RYR3: variants seen among roughly 807,000 people sequenced by gnomAD.
RYR3 encodes the protein brain ryanodine receptor-calcium release channel.
A neutral mutation model predicts 584.3 loss-of-function variants in RYR3; 207 were observed. The observed-to-expected ratio is 0.35, with a 90% CI of 0.32 to 0.40. RYR3 has a LOEUF of 0.40. Ranked by LOEUF, RYR3 falls within the 10% of genes least tolerant of loss-of-function variation. The pLI is 1.00. For missense variants in RYR3, 5,616 were observed against 6,089.2 expected (o/e 0.92, Z 2.59); for synonymous variants, 2,416 against 2,248.5 (o/e 1.07, Z -2.11).
chr15:33,835,141 T>C (rs2077957263), intron 87 of RYR3, 69 bp downstream of exon 87: 1 of 1,207,782 alleles, frequency 8.3e-7, no homozygotes, highest in South Asian at 1.3e-5. Flanking sequence ...TCCTTGGTGT[T>C]CCCATTGTGA....
chr15:33,513,705 G>C (rs992854536), intron 3 of RYR3, among the ~76,000 whole-genome samples: 1 of 152,240 alleles, frequency 6.6e-6, no homozygotes, highest in African/African-American at 2.4e-5. Flanking sequence ...TCTGGTGTGA[G>C]GGAGGAAAGT....
chr15:33,609,405 C>T (rs1193272242), intron 18 of RYR3, among the ~76,000 whole-genome samples: 1 of 152,188 alleles, frequency 6.6e-6, no homozygotes, highest in Non-Finnish European at 1.5e-5. Flanking sequence ...CCTGTAATCC[C>T]AGCACTTTGG....
In RYR3 at chr15:33,411,691, C is replaced by G. The variant is rs183716848; in HGVS notation, c.52-61728C>G. ...TTAGGAGTTCATTTTCCTGACTGCC[C>G]ACACACAAAAATTTATGAGGGTATC... On this transcript the variant is annotated intron_variant, in intron 1 of 103. Transcript: ENST00000634891. Among the ~76,000 whole-genome samples the G allele has an allele frequency of 3.3e-5, 5 of 152,288 alleles. No individual in the cohort carries two copies. In the East Asian group the frequency reaches 9.6e-4, roughly 29 times the overall value.
chr15:33,391,826 A>G (rs980095814), intron 1 of RYR3, among the ~76,000 whole-genome samples: 2 of 151,976 alleles, frequency 1.3e-5, no homozygotes, highest in Non-Finnish European at 2.9e-5. Flanking sequence ...ACTCTTCCAC[A>G]ATGCTTCAGC....
chr15:33,502,638 C>T (rs1043096092), intron 2 of RYR3, among the ~76,000 whole-genome samples: 4 of 152,140 alleles, frequency 2.6e-5, no homozygotes, highest in African/African-American at 7.2e-5. Context: ...TCAAGCACTA[C>T]GTAAATGAAA....
At chr15:33,668,998 T>A (rs903553193) in intron 36 of RYR3, among the ~76,000 whole-genome samples, 1 of 152,142 alleles carries the variant, frequency 6.6e-6, no homozygotes, top group Non-Finnish European at 1.5e-5. Flanking sequence ...TAACATTAAG[T>A]GGAAAACTCT....
chr15:33,694,933 T>C (rs767621203), intron 38 of RYR3, among the ~76,000 whole-genome samples: 2 of 152,232 alleles, frequency 1.3e-5, no homozygotes, highest in Non-Finnish European at 2.9e-5. Context: ...GCTTGGTAAC[T>C]GAGTTCTATT....
At chr15:33,780,103 A>G in intron 64 of RYR3, 108 bp from the exon 65 acceptor site, 1 of 1,325,502 alleles carries the variant, frequency 7.5e-7, no homozygotes, top group East Asian at 2.4e-5. Context: ...TGCTGAGCCT[A>G]GTGCCTAGGG....
chr15:33,376,890 A>T (rs1210623022), intron 1 of RYR3, among the ~76,000 whole-genome samples: 2 of 152,176 alleles, frequency 1.3e-5, no homozygotes, highest in African/African-American at 4.8e-5. Context: ...TCCTATCTTT[A>T]TTGAATTCCT....
In RYR3 at chr15:33,646,490, A is replaced by G; in HGVS notation, c.3905A>G (p.His1302Arg). The change falls in exon 29 of 104, where the codon CAC becomes CGC. Residue 1302 changes from histidine (H) to arginine (R), a missense_variant. By Grantham distance (29) the His-to-Arg change is conservative. This residue lies in a region of RYR3 where 753 missense variants were observed against 741.0 expected (regional missense o/e 1.02). Coordinates refer to ENST00000634891, the MANE Select transcript of RYR3 (RefSeq NM_001036.6). ...GTCGAGTGCCACTCCTCCTTCAGCC[A>G]CAGCCCCTGTCTGGACAGTGAAGCT... ...MPVECHSSFSHSPCLDSEAFQ... is the reference protein window; with the variant it reads ...MPVECHSSFSRSPCLDSEAFQ... The G allele has an allele frequency of 1.9e-6, 3 of 1,613,894 alleles. No homozygotes were observed. The highest frequency in any genetic ancestry group is 2.5e-6 in the Non-Finnish European group (3 of 1,179,788).
intron 1 of RYR3, among the ~76,000 whole-genome samples, chr15:33,348,755 C>T (rs1444209391): frequency 1.3e-5 from 2 of 151,816 alleles, no homozygotes; most frequent in South Asian, 2.1e-4. Flanking sequence ...GGATTACAGG[C>T]GTGAGCCACT....
chr15:33,464,486 A>ATC (rs2048308606), intron 1 of RYR3, among the ~76,000 whole-genome samples: 1 of 87,748 alleles, frequency 1.1e-5, no homozygotes, highest in Non-Finnish European at 2.1e-5. Context: ...ATATATATAT[A>ATC]TATACACATA....
At chr15:33,553,314 A>C (rs1025579) in intron 10 of RYR3, among the ~76,000 whole-genome samples, 108,223 of 152,004 alleles carry the variant, frequency 0.71, 40,145 homozygotes, top group Middle Eastern at 0.86. Context: ...TTCCCAGTCC[A>C]CATTTTCTGT....
At chr15:33,320,712 A>G (rs1265513347) in intron 1 of RYR3, among the ~76,000 whole-genome samples, 1 of 152,216 alleles carries the variant, frequency 6.6e-6, no homozygotes, top group Non-Finnish European at 1.5e-5. Context: ...CCTATCTGAG[A>G]GGATTGTTGC....
In RYR3 at chr15:33,706,901, T is replaced by C; in HGVS notation, c.6484-18T>C. 1 of 1,584,508 alleles carries C rather than the reference T, an allele frequency of 6.3e-7. No individual in the cohort carries two copies. The highest frequency in any genetic ancestry group is 8.6e-7 in the Non-Finnish European group (1 of 1,164,498). Reference sequence around the variant, plus strand: ...TCCTAATGCGTGCGAAAGAACACTTTTGTACTGTTTCTGGCAGGTGGTGAC... The same window carrying C: ...TCCTAATGCGTGCGAAAGAACACTTCTGTACTGTTTCTGGCAGGTGGTGAC... On this transcript the variant is annotated intron_variant, in intron 42 of 103. Transcript: ENST00000634891.
intron 27 of RYR3, among the ~76,000 whole-genome samples, chr15:33,642,065 T>G (rs572704575): frequency 6.6e-6 from 1 of 152,310 alleles, no homozygotes; most frequent in South Asian, 2.1e-4. Flanking sequence ...AGTTTTAGCC[T>G]TATTAAAGTG....
chr15:33,676,376 G>A (rs1371200958), intron 38 of RYR3, among the ~76,000 whole-genome samples: 1 of 152,152 alleles, frequency 6.6e-6, no homozygotes, highest in African/African-American at 2.4e-5. Context: ...GGAAATTTCT[G>A]TTGTTTTAAG....
At chr15:33,703,505 G>A (rs113303243) in intron 42 of RYR3, among the ~76,000 whole-genome samples, 6 of 152,298 alleles carry the variant, frequency 3.9e-5, no homozygotes, top group African/African-American at 1.4e-4. Context: ...TTGTGTGCAC[G>A]TATCCTTGCT....
In RYR3 at chr15:33,788,351, A is replaced by G. The variant is rs1404920930; in HGVS notation, c.9723A>G (p.Lys3241=). The change falls in exon 67 of 104, where the codon AAA becomes AAG. Residue 3241 remains lysine, a synonymous_variant. Coordinates refer to ENST00000634891, the MANE Select transcript of RYR3 (RefSeq NM_001036.6). ...AGGAGCAGTTGAAAGCCGATGGCAAAGGGGACACCCAGGAGGCAGAACTCC... is the reference window on the plus strand; with the variant it reads ...AGGAGCAGTTGAAAGCCGATGGCAAGGGGGACACCCAGGAGGCAGAACTCC... ...QEEEQLKADG[K]GDTQEAELLI... is the part of the protein sequence containing the mutation. The G allele has an allele frequency of 1.2e-6, 2 of 1,613,838 alleles. No homozygotes were observed. The highest frequency in any genetic ancestry group is 1.7e-6 in the Non-Finnish European group (2 of 1,179,886).
Sources: gnomAD v4.1 joint callset for allele counts (sites outside exome capture counted in the v4.1 genomes callset) on GRCh38, gnomAD v4.1.1 for gene constraint, gnomAD v4.1.1 regional missense constraint, MANE v1.5 for transcripts, NCBI Gene and HGNC (gene_info 2026-07-23, HGNC 2026-07-21) for gene names.